The following MCC variants were observed in gnomAD, a reference collection of about 807,000 sequenced individuals.
MCC encodes the protein colorectal mutant cancer protein.
In MCC, 90 loss-of-function variants were observed where a neutral mutation model predicts 116.2. That is an observed-to-expected ratio of 0.77 (90% CI 0.65 to 0.92). MCC has a LOEUF of 0.92. Among genes scored for constraint, MCC ranks in the 40% least tolerant of loss-of-function variants. The probability of loss-of-function intolerance (pLI) is 0.00; values close to 1 mark genes in which losing one functional copy is unlikely to be tolerated. For synonymous variants in MCC, 578 were observed against 510.5 expected, an observed-to-expected ratio of 1.13 and a Z score of -1.78; for missense variants, 1,516 against 1,312.2, an observed-to-expected ratio of 1.16 and a Z score of -2.40.
intron 3 of MCC, among the ~76,000 whole-genome samples, chr5:113,248,948 A>G (rs926986937): frequency 6.6e-6 from 1 of 150,956 alleles, no homozygotes; most frequent in African/African-American, 2.4e-5. Flanking sequence ...GGTTCAAGTG[A>G]TTTTCCTGCC....
intron 3 of MCC, among the ~76,000 whole-genome samples, chr5:113,312,142 T>C (rs1767149931): frequency 6.6e-6 from 1 of 151,942 alleles, no homozygotes; most frequent in South Asian, 2.1e-4. Context: ...CTGGGTGTGG[T>C]AGCATACACC....
Position 113,333,817 on chromosome 5 carries a change from G to GTACATATGTACATATATA in MCC, c.627+6701_627+6702insTATATATGTACATATGTA, listed in dbSNP as rs1767769097. Among the ~76,000 whole-genome samples the GTACATATGTACATATATA allele has an allele frequency of 3.6e-5, 4 of 111,268 alleles. 1 individual carries two copies. Among genetic ancestry groups the GTACATATGTACATATATA allele is most frequent in the African/African-American group, 1.7e-4 (4 of 23,676 alleles). The allele number at this position is 111,268 out of a possible 152,430, so 73.0% of individuals were successfully genotyped here. ...TATATATATGTATATATGTATATATGTACATATATGTATATATGTATATAT... is the reference window on the plus strand; with the variant it reads ...TATATATATGTATATATGTATATATGTACATATGTACATATATATACATATATGTATATATGTATATAT... On this transcript the variant is annotated intron_variant, in intron 3 of 18. Transcript: ENST00000408903.
intron 4 of MCC, among the ~76,000 whole-genome samples, chr5:113,143,641 G>A (rs867186134): frequency 1.3e-5 from 2 of 152,140 alleles, no homozygotes; most frequent in East Asian, 3.8e-4. Flanking sequence ...GGCTATTCAA[G>A]TCCCCCACTT....
intron 3 of MCC, among the ~76,000 whole-genome samples, chr5:113,253,148 C>T (rs749038196): frequency 1.3e-5 from 2 of 152,178 alleles, no homozygotes; most frequent in Non-Finnish European, 2.9e-5. Flanking sequence ...CAGATGAGAG[C>T]ATACTGAGAA....
intron 3 of MCC, among the ~76,000 whole-genome samples, chr5:113,326,565 G>T (rs976655997): frequency 6.6e-6 from 1 of 152,150 alleles, no homozygotes; most frequent in African/African-American, 2.4e-5. Context: ...CTTACCAAAA[G>T]GCCCTACCTC....
intron 5 of MCC, among the ~76,000 whole-genome samples, chr5:113,128,802 G>A (rs955950499): frequency 1.3e-5 from 2 of 152,194 alleles, no homozygotes; most frequent in Non-Finnish European, 2.9e-5. Flanking sequence ...TTTTTAGACT[G>A]TAAATTAATC....
chr5:113,453,381 G>A (rs1014442756), intron 1 of MCC, among the ~76,000 whole-genome samples: 1 of 151,982 alleles, frequency 6.6e-6, no homozygotes, highest in African/African-American at 2.4e-5. Context: ...TGAAAATTAA[G>A]TTCAAAACTT....
chr5:113,143,493 C>T (rs1759312603), intron 4 of MCC, 133 bp from the exon 5 acceptor site: 1 of 895,720 alleles, frequency 1.1e-6, no homozygotes, highest in South Asian at 1.6e-5. Context: ...TATGTCAGCT[C>T]ATCGGCTGGC....
At chr5:113,278,080 C>T (rs936898415) in intron 3 of MCC, among the ~76,000 whole-genome samples, 4 of 152,222 alleles carry the variant, frequency 2.6e-5, no homozygotes, top group African/African-American at 9.6e-5. Context: ...CTGCAACCTA[C>T]CAAGCCATCT....
intron 5 of MCC, among the ~76,000 whole-genome samples, chr5:113,126,499 T>G (rs569961887): frequency 6.6e-6 from 1 of 152,326 alleles, no homozygotes; most frequent in East Asian, 1.9e-4. Flanking sequence ...TATGCAAATT[T>G]TCTTTCCATA....
At chr5:113,284,448 T>G (rs574448887) in intron 3 of MCC, among the ~76,000 whole-genome samples, 1 of 152,324 alleles carries the variant, frequency 6.6e-6, no homozygotes, top group African/African-American at 2.4e-5. Flanking sequence ...AGAATTAAAC[T>G]TTCTCCTTTT....
intron 11 of MCC, among the ~76,000 whole-genome samples, chr5:113,074,447 C>G (rs6888485): frequency 0.19 from 29,124 of 152,154 alleles, 2,890 homozygotes; most frequent in East Asian, 0.29. Flanking sequence ...AGCAGAAAAG[C>G]TGAAAATTCT....
intron 3 of MCC, among the ~76,000 whole-genome samples, chr5:113,307,936 C>G (rs1326177073): frequency 6.6e-6 from 1 of 151,878 alleles, no homozygotes; most frequent in Non-Finnish European, 1.5e-5. Flanking sequence ...TGCTCTTTCT[C>G]CTGCGTGGAG....
At chr5:113,206,357 C>A (rs1762909869) in intron 3 of MCC, among the ~76,000 whole-genome samples, 2 of 152,162 alleles carry the variant, frequency 1.3e-5, no homozygotes, top group African/African-American at 4.8e-5. Flanking sequence ...TTATCTTTGA[C>A]AATTTTCTCC....
intron 3 of MCC, among the ~76,000 whole-genome samples, chr5:113,304,611 G>A (rs955999310): frequency 7.9e-5 from 12 of 152,156 alleles, no homozygotes; most frequent in African/African-American, 2.9e-4. Context: ...ATATTTTCGA[G>A]CCTAAAACTT....
chr5:113,090,308 G>A (rs2150247523), intron 8 of MCC, among the ~76,000 whole-genome samples: 1 of 151,908 alleles, frequency 6.6e-6, no homozygotes, highest in South Asian at 2.1e-4. Flanking sequence ...TGCTAGGCAT[G>A]AGGGGGGAAT....
At chr5:113,257,444 A>C (rs762536060) in intron 3 of MCC, among the ~76,000 whole-genome samples, 4 of 152,126 alleles carry the variant, frequency 2.6e-5, no homozygotes, top group Non-Finnish European at 5.9e-5. Flanking sequence ...CAGGCAATGA[A>C]AGCCAAGGTG....
intron 3 of MCC, among the ~76,000 whole-genome samples, chr5:113,284,807 G>T (rs1766181108): frequency 6.6e-6 from 1 of 152,148 alleles, no homozygotes; most frequent in Non-Finnish European, 1.5e-5. Context: ...CAGCATTCCA[G>T]TCTCCTTGCA....
intron 8 of MCC, among the ~76,000 whole-genome samples, chr5:113,093,383 C>G (rs1351115930): frequency 6.6e-6 from 1 of 152,142 alleles, no homozygotes; most frequent in Non-Finnish European, 1.5e-5. Context: ...GTCGAGCGCA[C>G]TGTGATTACA....
Sources: gnomAD v4.1 joint callset for allele counts (sites outside exome capture counted in the v4.1 genomes callset) on GRCh38, gnomAD v4.1.1 for gene constraint, MANE v1.5 for transcripts, NCBI Gene and HGNC (gene_info 2026-07-23, HGNC 2026-07-21) for gene names.